The following TSHZ2 variants were observed in gnomAD, a reference collection of about 807,000 sequenced individuals.
The protein encoded by TSHZ2 is teashirt zinc finger homeobox 2.
A neutral mutation model predicts 74.4 loss-of-function variants in TSHZ2; 21 were observed. That is an observed-to-expected ratio of 0.28 (90% confidence interval 0.20 to 0.41). TSHZ2 has a LOEUF of 0.41. Among genes scored for constraint, TSHZ2 ranks in the 10% least tolerant of loss-of-function variants. The pLI is 1.00. For synonymous variants in TSHZ2, 540 were observed against 515.3 expected (o/e 1.05, Z -0.65); for missense variants, 1,244 against 1,293.5 (o/e 0.96, Z 0.59).
intron 2 of TSHZ2, among the ~76,000 whole-genome samples, chr20:53,259,822 C>T (rs1354861829): frequency 6.6e-6 from 1 of 152,142 alleles, no homozygotes; most frequent in Non-Finnish European, 1.5e-5. Context: ...TTAAAATATT[C>T]ATTGTTTATC....
chr20:53,465,159 C>T (rs867024143), intron 2 of TSHZ2, among the ~76,000 whole-genome samples: 11 of 152,044 alleles, frequency 7.2e-5, no homozygotes, highest in Middle Eastern at 3.2e-3. Flanking sequence ...TTTAACCTCC[C>T]GAAACTTCAT....
intron 1 of TSHZ2, among the ~76,000 whole-genome samples, chr20:53,032,562 C>T (rs1381610147): frequency 2.6e-5 from 4 of 152,106 alleles, no homozygotes; most frequent in African/African-American, 4.8e-5. Context: ...CAGAGGCCAG[C>T]GATTGTTTTG....
chr20:53,461,885 G>T lies in TSHZ2; in HGVS notation c.*9-25259G>T, dbSNP rs200430943. ...CAACAAACTCTTTTTGAAACATCTA[G>T]GGGATTTTCTTTCCCAAACACATTG... On this transcript the variant is annotated intron_variant, in intron 2 of 2. Transcript: ENST00000371497. 5.3e-5 allele frequency among the ~76,000 whole-genome samples: 8 copies of T among 152,020 alleles called. No individual in the cohort carries two copies. In the East Asian group the frequency reaches 1.5e-3, roughly 29 times the overall value.
intron 1 of TSHZ2, among the ~76,000 whole-genome samples, chr20:53,144,730 A>G (rs1987496091): frequency 6.6e-6 from 1 of 152,174 alleles, no homozygotes; most frequent in African/African-American, 2.4e-5. Context: ...TGTGCTCCAA[A>G]TACTATATAT....
chr20:53,255,275 A>G lies in TSHZ2; in HGVS notation c.1817A>G (p.Asp606Gly), dbSNP rs749449433. ...PYTQVKKESE[D>G]KDEAVKECGK... ...ACTCAAGTCAAGAAAGAGTCAGAAG[A>G]CAAAGATGAAGCGGTGAAGGAGTGT... is the stretch of plus-strand genomic sequence containing the variant. Residue 606 changes from aspartate (D) to glycine (G), a missense_variant, in exon 2 of 3, where the codon GAC becomes GGC. Around this residue, in one of 6 missense-constraint regions of TSHZ2, gnomAD observed 562 missense variants for 544.0 expected, o/e 1.03. Transcript: ENST00000371497. The surrounding 1 kb of genome is among the most constrained non-coding windows in gnomAD (Gnocchi z 4.1). 9 of 1,614,122 alleles carry G rather than the reference A, an allele frequency of 5.6e-6. No individual in the cohort carries two copies. The East Asian group carries it at 2.0e-4, about 36-fold the overall frequency.
At chr20:53,196,392 A>AAAAAAAAAAG (rs71194463) in intron 1 of TSHZ2, 1 of 132,322 alleles carries the variant, frequency 7.6e-6, no homozygotes, top group African/African-American at 2.9e-5. Flanking sequence ...AAAAAAAAAA[A>AAAAAAAAAAG]TGTGCTTTCA....
At chr20:53,055,227 T>A (rs545505320) in intron 1 of TSHZ2, among the ~76,000 whole-genome samples, 4 of 152,354 alleles carry the variant, frequency 2.6e-5, no homozygotes, top group Admixed American at 6.5e-5. Flanking sequence ...GGTTTTCTTA[T>A]AATCATTCGT....
chr20:53,302,253 C>T (rs373298044), intron 2 of TSHZ2, among the ~76,000 whole-genome samples: 1 of 152,088 alleles, frequency 6.6e-6, no homozygotes, highest in East Asian at 1.9e-4. Flanking sequence ...TGTCCTAGCA[C>T]TCGGTTTTGC....
chr20:53,144,763 G>C (rs1041861338), intron 1 of TSHZ2, among the ~76,000 whole-genome samples: 2 of 151,946 alleles, frequency 1.3e-5, no homozygotes, highest in Non-Finnish European at 2.9e-5. Flanking sequence ...GTACTATGAG[G>C]TTATATGGGT....
Position 53,260,656 on chromosome 20 carries a change from C to T in TSHZ2, c.*8+4085C>T, listed in dbSNP as rs540695898. On this transcript the variant is annotated intron_variant, in intron 2 of 2. Coordinates refer to ENST00000371497, the MANE Select transcript of TSHZ2 (RefSeq NM_173485.6). ...CACTTGCTTTCATGAAGACATGCCCCACTTCTACATCTTTATGATGTGGAC... is the reference window on the plus strand; with the variant it reads ...CACTTGCTTTCATGAAGACATGCCCTACTTCTACATCTTTATGATGTGGAC... Among the ~76,000 whole-genome samples, 11 of 152,294 alleles carry T rather than the reference C, an allele frequency of 7.2e-5. 1 individual carries two copies. In the South Asian group the frequency reaches 2.1e-3, roughly 29 times the overall value.
At chr20:53,289,011 T>A (rs1272051128) in intron 2 of TSHZ2, among the ~76,000 whole-genome samples, 1 of 152,146 alleles carries the variant, frequency 6.6e-6, no homozygotes, top group African/African-American at 2.4e-5. Context: ...TATATCATTC[T>A]TATGCCTTTG....
intron 1 of TSHZ2, among the ~76,000 whole-genome samples, chr20:53,226,682 C>T (rs1989694401): frequency 6.6e-6 from 1 of 152,104 alleles, no homozygotes. Context: ...ATTTCTAAGG[C>T]TCGGCCATAT....
At chr20:53,484,481 GTTCAAGCGA>G (rs1986241342) in intron 2 of TSHZ2, among the ~76,000 whole-genome samples, 1 of 150,948 alleles carries the variant, frequency 6.6e-6, no homozygotes, top group African/African-American at 2.4e-5. Flanking sequence ...CGCCTCCCAG[GTTCAAGCGA>G]TTCTCATGCC....
rs117711479 is a variant in TSHZ2, at chr20:53,420,849, C to T, written c.*9-66295C>T. On this transcript the variant is annotated intron_variant, in intron 2 of 2. Transcript: ENST00000371497. ...CACCCCACTTTTGGAGTTTGTGTTA[C>T]CCATTAGCATAAAAAGGGACAGAAG... Among the ~76,000 whole-genome samples, 842 of 152,298 alleles carry T rather than the reference C, an allele frequency of 5.5e-3. 7 individuals carry two copies. Among genetic ancestry groups the T allele is most frequent in the Middle Eastern group, 0.014 (4 of 294 alleles).
intron 1 of TSHZ2, among the ~76,000 whole-genome samples, chr20:53,219,812 A>G (rs989192541): frequency 6.6e-6 from 1 of 152,178 alleles, no homozygotes; most frequent in Non-Finnish European, 1.5e-5. Flanking sequence ...TGATTTCCCA[A>G]TGTCAATAAC....
At chr20:53,012,594 C>G (rs1251826701) in intron 1 of TSHZ2, among the ~76,000 whole-genome samples, 1 of 152,148 alleles carries the variant, frequency 6.6e-6, no homozygotes, top group East Asian at 1.9e-4. Flanking sequence ...AGGTTCGCTT[C>G]TCCATTTCCC....
intron 2 of TSHZ2, among the ~76,000 whole-genome samples, chr20:53,453,682 G>A (rs988691099): frequency 6.6e-6 from 1 of 152,144 alleles, no homozygotes. Context: ...CAGATATTGG[G>A]GGAATCCTTC....
intron 1 of TSHZ2, among the ~76,000 whole-genome samples, chr20:53,194,470 T>C (rs1427797846): frequency 2.0e-5 from 3 of 152,232 alleles, no homozygotes; most frequent in Non-Finnish European, 2.9e-5. Flanking sequence ...TTCAAAGACA[T>C]GATTTATGGT....
chr20:53,265,246 C>A (rs1003950921), intron 2 of TSHZ2, among the ~76,000 whole-genome samples: 1 of 152,146 alleles, frequency 6.6e-6, no homozygotes, highest in African/African-American at 2.4e-5. Context: ...CCAGTGAGAA[C>A]ATTCAAATGC....
Sources: gnomAD v4.1 joint callset for allele counts (sites outside exome capture counted in the v4.1 genomes callset) on GRCh38, gnomAD v4.1.1 for gene constraint, gnomAD v4.1.1 regional missense constraint, Gnocchi (gnomAD v3.1) non-coding constraint, MANE v1.5 for transcripts, NCBI Gene and HGNC (gene_info 2026-07-23, HGNC 2026-07-21) for gene names.